Variants in TRHDE observed in about 807,000 individuals in gnomAD.
TRHDE encodes the protein thyrotropin releasing hormone degrading enzyme.
A neutral mutation model predicts 125.7 loss-of-function variants in TRHDE; 72 were observed. That is an observed-to-expected ratio of 0.57 (90% CI 0.47 to 0.70). TRHDE has a LOEUF of 0.70. Among genes scored for constraint, TRHDE ranks in the 30% least tolerant of loss-of-function variants. TRHDE has a pLI of 0.00. For missense variants in TRHDE, 1,110 were observed against 1,327.1 expected (o/e 0.84, Z 2.54); for synonymous variants, 509 against 509.1 (o/e 1.00, Z 0.00).
intron 2 of TRHDE, among the ~76,000 whole-genome samples, chr12:72,124,885 C>G (rs926547797): frequency 1.3e-5 from 2 of 152,110 alleles, no homozygotes; most frequent in South Asian, 4.1e-4. Context: ...AAAGAGAAAT[C>G]ATTGAATTGT....
At chr12:72,137,397 CT>C (rs1876009403) in intron 2 of TRHDE, 1 of 152,164 alleles carries the variant, frequency 6.6e-6, no homozygotes, top group Admixed American at 6.5e-5. Context: ...TTTCCATTTT[CT>C]TTTTAGGGAT....
intron 5 of TRHDE, among the ~76,000 whole-genome samples, chr12:72,474,791 G>A (rs1014232282): frequency 3.3e-5 from 5 of 151,164 alleles, no homozygotes; most frequent in Middle Eastern, 6.9e-3. Flanking sequence ...CGTAAACCAA[G>A]GTAAAATATG....
At chr12:72,267,468 G>T (rs1879093589), upstream of TRHDE, among the ~76,000 whole-genome samples, 1 of 151,874 alleles carries the variant, frequency 6.6e-6, no homozygotes, top group South Asian at 2.1e-4. Flanking sequence ...ATGCTGTGAG[G>T]CTTGTTCTAG....
intron 2 of TRHDE, among the ~76,000 whole-genome samples, chr12:72,156,087 G>A (rs999630821): frequency 2.0e-5 from 3 of 152,084 alleles, no homozygotes; most frequent in Non-Finnish European, 4.4e-5. Flanking sequence ...CTCAAGCCTC[G>A]GCAGTGGCGG....
At chr12:72,429,309 G>A (rs1030979603) in intron 3 of TRHDE, among the ~76,000 whole-genome samples, 3 of 149,676 alleles carry the variant, frequency 2.0e-5, no homozygotes, top group East Asian at 2.0e-4. Flanking sequence ...AAAACGTTAC[G>A]TTCTGCACAC....
intron 12 of TRHDE, among the ~76,000 whole-genome samples, chr12:72,597,724 T>C (rs1214017046): frequency 3.7e-3 from 22 of 5,872 alleles, no homozygotes; most frequent in African/African-American, 9.4e-3. Context: ...TATATATATA[T>C]ATATATATAT....
Position 72,452,683 on chromosome 12 carries a change from T to C in TRHDE, c.1316-17075T>C, listed in dbSNP as rs540903352. Among the ~76,000 whole-genome samples the C allele has an allele frequency of 1.3e-3, 201 of 152,256 alleles. 1 individual carries two copies. The highest frequency in any genetic ancestry group is 4.5e-3 in the African/African-American group (189 of 41,574). Reference sequence around the variant, plus strand: ...GGCCTGATGGGAGGTGATTAGATCATGGGGGTGGACTTCTCATGGATCATT... The same window carrying C: ...GGCCTGATGGGAGGTGATTAGATCACGGGGGTGGACTTCTCATGGATCATT... On this transcript the variant is annotated intron_variant, in intron 3 of 18. Coordinates refer to ENST00000261180, the MANE Select transcript of TRHDE (RefSeq NM_013381.3).
intron 2 of TRHDE, among the ~76,000 whole-genome samples, chr12:72,201,459 A>G (rs80087626): frequency 0.017 from 2,603 of 152,214 alleles, 43 homozygotes; most frequent in Middle Eastern, 0.044. Flanking sequence ...CTTCTAGTCA[A>G]TTTCATGTAC....
chr12:72,213,290 G>A (rs1877821480), intron 2 of TRHDE, among the ~76,000 whole-genome samples: 1 of 151,536 alleles, frequency 6.6e-6, no homozygotes, highest in Admixed American at 6.6e-5. Context: ...GCACAATCCT[G>A]CAAATATACT....
chr12:72,381,808 GAC>G (rs1161448443), intron 3 of TRHDE, among the ~76,000 whole-genome samples: 1 of 152,214 alleles, frequency 6.6e-6, no homozygotes, highest in Non-Finnish European at 1.5e-5. Context: ...CATTTAGTGA[GAC>G]AGAAGGATTG....
intron 6 of TRHDE, among the ~76,000 whole-genome samples, chr12:72,508,650 G>A (rs1019213795): frequency 2.0e-5 from 3 of 152,182 alleles, no homozygotes; most frequent in Admixed American, 6.5e-5. Flanking sequence ...ACTTTGGATT[G>A]TGGACTTTTG....
At chr12:72,351,134 C>CAAT (rs1441833921) in intron 2 of TRHDE, among the ~76,000 whole-genome samples, 5 of 151,908 alleles carry the variant, frequency 3.3e-5, no homozygotes, top group Non-Finnish European at 7.4e-5. Context: ...TCACAAACTG[C>CAAT]AATAAATTCT....
intron 3 of TRHDE, among the ~76,000 whole-genome samples, chr12:72,414,886 GA>G (rs1040657164): frequency 6.6e-6 from 1 of 151,976 alleles, no homozygotes; most frequent in African/African-American, 2.4e-5. Flanking sequence ...TATTTTTAAT[GA>G]AAAAACTGCG....
chr12:72,480,350 C>A (rs1240652361), intron 5 of TRHDE, among the ~76,000 whole-genome samples: 1 of 151,758 alleles, frequency 6.6e-6, no homozygotes, highest in Non-Finnish European at 1.5e-5. Context: ...TTAATGATTG[C>A]CATTCTAACT....
At chr12:72,626,346 A>G (rs1393012403) in intron 15 of TRHDE, among the ~76,000 whole-genome samples, 1 of 151,832 alleles carries the variant, frequency 6.6e-6, no homozygotes, top group African/African-American at 2.4e-5. Flanking sequence ...GAAAATTATA[A>G]AACACTAGTG....
intron 5 of TRHDE, among the ~76,000 whole-genome samples, chr12:72,489,331 CAG>C (rs781458497): frequency 4.8e-4 from 72 of 150,680 alleles, no homozygotes; most frequent in Admixed American, 9.9e-4. Flanking sequence ...ACAGATAACT[CAG>C]AAATAAAAAA....
At chr12:72,367,377 C>T (rs566450315) in intron 2 of TRHDE, among the ~76,000 whole-genome samples, 6 of 152,178 alleles carry the variant, frequency 3.9e-5, no homozygotes, top group African/African-American at 7.2e-5. Flanking sequence ...TCATATGAGA[C>T]GTCAAGGCTC....
At chr12:72,488,686 T>C (rs1245835876) in intron 5 of TRHDE, among the ~76,000 whole-genome samples, 1 of 151,970 alleles carries the variant, frequency 6.6e-6, no homozygotes, top group Non-Finnish European at 1.5e-5. Flanking sequence ...TTTTATCCAA[T>C]AGCAGCTGAA....
intron 3 of TRHDE, among the ~76,000 whole-genome samples, chr12:72,429,521 T>G (rs1455302782): frequency 1.3e-5 from 2 of 152,004 alleles, no homozygotes; most frequent in East Asian, 3.9e-4. Context: ...GATATGTATT[T>G]TCATTGTTTT....
Sources: allele counts gnomAD v4.1 joint callset (sites outside exome capture counted in the v4.1 genomes callset), GRCh38; gene constraint gnomAD v4.1.1; transcripts MANE v1.5; gene names NCBI Gene and HGNC (gene_info 2026-07-23, HGNC 2026-07-21).